The following FSTL4 variants were observed in gnomAD, a reference collection of about 807,000 sequenced individuals.
FSTL4 encodes the protein follistatin like 4, also known as follistatin-related protein 4.
A neutral mutation model predicts 78.2 loss-of-function variants in FSTL4; 28 were observed. That is an observed-to-expected ratio of 0.36 (90% CI 0.27 to 0.49). The LOEUF (loss-of-function observed/expected upper bound fraction) is 0.49. Among genes scored for constraint, FSTL4 ranks in the 20% least tolerant of loss-of-function variants. The pLI is 0.98. For missense variants in FSTL4, 922 were observed against 1,084.9 expected (o/e 0.85, Z 2.11); for synonymous variants, 422 against 440.5 (o/e 0.96, Z 0.53).
At chr5:133,556,333 A>G (rs1420600839) in intron 3 of FSTL4, among the ~76,000 whole-genome samples, 3 of 152,216 alleles carry the variant, frequency 2.0e-5, no homozygotes, top group Non-Finnish European at 4.4e-5. Flanking sequence ...GAATGTGAAA[A>G]TGTTTCCATT....
chr5:133,515,941 G>A (rs1024417005), intron 3 of FSTL4, among the ~76,000 whole-genome samples: 1 of 151,954 alleles, frequency 6.6e-6, no homozygotes, highest in African/African-American at 2.4e-5. Context: ...TATGAGAAAT[G>A]AAATGTAAAA....
At chr5:133,401,283 C>G (rs898027649) in intron 3 of FSTL4, among the ~76,000 whole-genome samples, 3 of 152,186 alleles carry the variant, frequency 2.0e-5, no homozygotes, top group South Asian at 2.1e-4. Context: ...TTGATCAACT[C>G]TTGGTTCTTT....
At chr5:133,269,261 G>A (rs1752713557) in intron 6 of FSTL4, among the ~76,000 whole-genome samples, 1 of 151,374 alleles carries the variant, frequency 6.6e-6, no homozygotes, top group African/African-American at 2.4e-5. Context: ...AATGAGAAAA[G>A]CAAGTTGCAA....
chr5:133,621,057 T>C, the FSTL4 span, among the ~76,000 whole-genome samples: 1 of 152,168 alleles, frequency 6.6e-6, no homozygotes, highest in Non-Finnish European at 1.5e-5. Context: ...ATAAAGAAAC[T>C]GTCGTATATA....
chr5:133,375,313 A>ATATAT (rs1354744825), intron 4 of FSTL4, among the ~76,000 whole-genome samples: 1 of 31,058 alleles, frequency 3.2e-5, no homozygotes, highest in African/African-American at 6.9e-5. Context: ...TATATATATA[A>ATATAT]AAGACTCTAA....
At chr5:133,649,887 G>T in the FSTL4 span, among the ~76,000 whole-genome samples, 1 of 151,600 alleles carries the variant, frequency 6.6e-6, no homozygotes, top group East Asian at 1.9e-4. Flanking sequence ...AGTCCATTTT[G>T]TGTTGCTATA....
the FSTL4 span, among the ~76,000 whole-genome samples, chr5:133,711,190 G>A: frequency 2.6e-5 from 4 of 152,186 alleles, no homozygotes; most frequent in African/African-American, 9.7e-5. Flanking sequence ...AAGAAGGAAA[G>A]CATTTGGGAT....
At chr5:133,427,453 T>A in intron 3 of FSTL4, 1 of 355,418 alleles carries the variant, frequency 2.8e-6, no homozygotes, top group South Asian at 2.4e-5. Context: ...TCTCCAGACC[T>A]CCCAAGCCCA....
At chr5:133,524,552 C>A (rs563884509) in intron 3 of FSTL4, among the ~76,000 whole-genome samples, 2 of 152,302 alleles carry the variant, frequency 1.3e-5, no homozygotes, top group African/African-American at 4.8e-5. Flanking sequence ...AAAACAACTT[C>A]GCGCAGAGAA....
At chr5:133,401,401 C>G (rs1003035810) in intron 3 of FSTL4, among the ~76,000 whole-genome samples, 1 of 152,246 alleles carries the variant, frequency 6.6e-6, no homozygotes, top group Admixed American at 6.5e-5. Context: ...ACTACTGCTC[C>G]CAGGCTCACA....
chr5:133,301,365 T>C (rs963658986), intron 6 of FSTL4, among the ~76,000 whole-genome samples: 3 of 152,180 alleles, frequency 2.0e-5, no homozygotes, highest in Non-Finnish European at 4.4e-5. Context: ...GCCTGCCAGA[T>C]GCCTCTCATG....
intron 3 of FSTL4, among the ~76,000 whole-genome samples, chr5:133,495,502 T>C (rs1200251953): frequency 6.6e-6 from 1 of 152,234 alleles, no homozygotes; most frequent in Non-Finnish European, 1.5e-5. Flanking sequence ...ACAAAATATG[T>C]TTTATTCTAA....
intron 6 of FSTL4, among the ~76,000 whole-genome samples, chr5:133,277,023 G>A (rs1480496930): frequency 6.6e-6 from 1 of 152,082 alleles, no homozygotes; most frequent in Non-Finnish European, 1.5e-5. Flanking sequence ...AGAAAGACAG[G>A]GTAATAGGCT....
chr5:133,704,341 C>T, the FSTL4 span, among the ~76,000 whole-genome samples: 1 of 152,172 alleles, frequency 6.6e-6, no homozygotes, highest in African/African-American at 2.4e-5. Context: ...GGGCACAGCC[C>T]TAGTGAAGGA....
At chr5:133,777,307 CA>C in the FSTL4 span, among the ~76,000 whole-genome samples, 13 of 152,020 alleles carry the variant, frequency 8.6e-5, no homozygotes, top group Non-Finnish European at 1.8e-4. Context: ...AAATGTTATA[CA>C]GTATGCTTAT....
rs576727802 is a variant in FSTL4, at chr5:133,512,542, T to C, written c.160+54644A>G. Among the ~76,000 whole-genome samples the C allele has an allele frequency of 3.9e-5, 6 of 152,386 alleles. No homozygotes were observed. In the South Asian group the frequency reaches 8.3e-4, roughly 21 times the overall value. ...TAAAGAATTTTACACATTAGACTTT[T>C]ATAGTACATGTCCTTCAATTATACT... On this transcript the variant is annotated intron_variant, in intron 3 of 15. Coordinates refer to ENST00000265342, the MANE Select transcript of FSTL4 (RefSeq NM_015082.2).
the FSTL4 span, among the ~76,000 whole-genome samples, chr5:133,747,709 C>A: frequency 6.6e-6 from 1 of 152,046 alleles, no homozygotes; most frequent in African/African-American, 2.4e-5. Flanking sequence ...TTTATTAGCA[C>A]CTAAAGAGCT....
intron 4 of FSTL4, among the ~76,000 whole-genome samples, chr5:133,372,044 A>T (rs926024752): frequency 6.6e-5 from 10 of 152,282 alleles, no homozygotes; most frequent in African/African-American, 1.9e-4. Context: ...GGCATTTGAA[A>T]TTGGCCTCCC....
intron 4 of FSTL4, among the ~76,000 whole-genome samples, chr5:133,367,061 G>C (rs942181465): frequency 1.3e-5 from 2 of 152,200 alleles, no homozygotes; most frequent in African/African-American, 4.8e-5. Flanking sequence ...TCCTGAAATA[G>C]TGACTCTGTT....
Sources: allele counts gnomAD v4.1 joint callset (sites outside exome capture counted in the v4.1 genomes callset), GRCh38; gene constraint gnomAD v4.1.1; transcripts MANE v1.5; gene names NCBI Gene and HGNC (gene_info 2026-07-23, HGNC 2026-07-21).